Variants in PRKAG2 observed in about 807,000 individuals in gnomAD.
The protein encoded by PRKAG2 is 5'-AMP-activated protein kinase subunit gamma-2.
In PRKAG2, 26 loss-of-function variants were observed where a neutral mutation model predicts 69.6. That is an observed-to-expected ratio of 0.37 (90% CI 0.27 to 0.52). The LOEUF (loss-of-function observed/expected upper bound fraction) is 0.52, where lower values mean the gene tolerates loss of function less well. Among genes scored for constraint, PRKAG2 ranks in the 20% least tolerant of loss-of-function variants. The pLI is 0.90. For missense variants in PRKAG2, 557 were observed against 740.0 expected, an observed-to-expected ratio of 0.75 and a Z score of 2.87; for synonymous variants, 293 against 285.0, an observed-to-expected ratio of 1.03 and a Z score of -0.28.
intron 1 of PRKAG2, among the ~76,000 whole-genome samples, chr7:151,800,370 A>G (rs1421184847): frequency 6.6e-6 from 1 of 151,222 alleles, no homozygotes; most frequent in Admixed American, 6.6e-5. Context: ...AAAAAAAAAA[A>G]AAAAGAAAGT....
At chr7:151,575,101 G>A (rs1339971306) in intron 7 of PRKAG2, 152 bp from the exon 8 acceptor site, 2 of 1,229,874 alleles carry the variant, frequency 1.6e-6, no homozygotes, top group East Asian at 2.6e-5. Flanking sequence ...TAAAACTATT[G>A]ATGTGTTAAT....
intron 15 of PRKAG2, 146 bp downstream of exon 15, chr7:151,560,373 TGAAGA>T: frequency 1.3e-6 from 2 of 1,550,538 alleles, no homozygotes; most frequent in Non-Finnish European, 1.7e-6. Context: ...ACTTCCCAAC[TGAAGA>T]GAAAACGAAA....
chr7:151,567,641 CT>C lies in PRKAG2; in HGVS notation c.1233+1074del, dbSNP rs1326949652. 1.3e-5 allele frequency among the ~76,000 whole-genome samples: 2 copies of C among 152,158 alleles called. No individual in the cohort carries two copies. Among genetic ancestry groups the C allele is most frequent in the Admixed American group, 6.5e-5 (1 of 15,274 alleles). ...TAATCCCTTTTTCCTAGATTATCGC[CT>C]TTATTAAACTTCAGACTTGAGTTTT... On this transcript the variant is annotated intron_variant, in intron 11 of 15. Coordinates refer to ENST00000287878, the MANE Select transcript of PRKAG2 (RefSeq NM_016203.4). This position sits in a 1 kb window ranked among gnomAD's most constrained non-coding sequence, Gnocchi z 4.2.
At chr7:151,662,145 T>C (rs1041607199) in intron 4 of PRKAG2, among the ~76,000 whole-genome samples, 10 of 152,240 alleles carry the variant, frequency 6.6e-5, no homozygotes, top group Admixed American at 4.6e-4. Context: ...GGCTGTTACA[T>C]AGGTAGAAAG....
At chr7:151,686,389 C>T (rs1432206596) in intron 3 of PRKAG2, among the ~76,000 whole-genome samples, 1 of 152,188 alleles carries the variant, frequency 6.6e-6, no homozygotes. Flanking sequence ...TCTCACAGCT[C>T]CCTTCTATGG....
chr7:151,718,539 T>C (rs1796537628), intron 3 of PRKAG2, among the ~76,000 whole-genome samples: 1 of 146,934 alleles, frequency 6.8e-6, no homozygotes, highest in African/African-American at 2.5e-5. Context: ...CTGTAAGTCA[T>C]GGTGGGCTCC....
rs540092141 is a variant in PRKAG2 at position 151,618,453 on chromosome 7, C to CAAAATAAAATAAAAT, written c.754+13601_754+13615dup. On this transcript the variant is annotated intron_variant, in intron 5 of 15. Transcript: ENST00000287878. ...GGGCAATAAGAGCAAGACTCCGTCT[C>CAAAATAAAATAAAAT]AAAATAAAATAAAATAAAATAAAAT... Among the ~76,000 whole-genome samples, 457 of 148,666 alleles carry CAAAATAAAATAAAAT rather than the reference C, an allele frequency of 3.1e-3. 5 individuals are homozygous for CAAAATAAAATAAAAT. The highest frequency in any genetic ancestry group is 0.011 in the African/African-American group (433 of 40,002).
chr7:151,844,238 G>A (rs1317558651), intron 1 of PRKAG2, among the ~76,000 whole-genome samples: 2 of 152,048 alleles, frequency 1.3e-5, no homozygotes, highest in African/African-American at 2.4e-5. Context: ...ACCACAGGCA[G>A]GCCAGTGCTC....
At chr7:151,774,426 CCT>C (rs551934311) in intron 3 of PRKAG2, among the ~76,000 whole-genome samples, 2 of 152,182 alleles carry the variant, frequency 1.3e-5, no homozygotes, top group Non-Finnish European at 2.9e-5. Context: ...GATTGAATTA[CCT>C]CTTTTTCCTT....
intron 2 of PRKAG2, among the ~76,000 whole-genome samples, chr7:151,783,451 C>T (rs905960216): frequency 6.6e-6 from 1 of 152,184 alleles, no homozygotes; most frequent in Non-Finnish European, 1.5e-5. Context: ...AGCAATCCTC[C>T]TACCTCAGCC....
chr7:151,677,846 A>G (rs986641758), intron 3 of PRKAG2, among the ~76,000 whole-genome samples: 2 of 152,148 alleles, frequency 1.3e-5, no homozygotes, highest in Non-Finnish European at 2.9e-5. Context: ...CTTCCACCAC[A>G]TGGCTGAGAG....
At chr7:151,735,824 G>A in intron 3 of PRKAG2, 1 of 1,514,684 alleles carries the variant, frequency 6.6e-7, no homozygotes, top group African/African-American at 1.4e-5. Flanking sequence ...TACTGCTTAG[G>A]AGGGTGTGCA....
chr7:151,671,289 C>T (rs1832006084), intron 4 of PRKAG2, among the ~76,000 whole-genome samples: 1 of 150,712 alleles, frequency 6.6e-6, no homozygotes, highest in Admixed American at 6.6e-5. Flanking sequence ...AAATGATCTT[C>T]ATGGTCGATG....
Position 151,710,337 on chromosome 7 carries a change from G to A in PRKAG2, c.467-34700C>T, listed in dbSNP as rs188298305. ...CCCCAGCTGCCGAGGCTTCGCTCTC[G>A]CCCCCCGCCCTGAGGCAGCACACCA... is the stretch of plus-strand genomic sequence containing the variant. On this transcript the variant is annotated intron_variant, in intron 3 of 15. Transcript: ENST00000287878. 3.7e-4 allele frequency among the ~76,000 whole-genome samples: 57 copies of A among 152,084 alleles called. No homozygotes were observed. The East Asian group carries it at 4.1e-3, about 11-fold the overall frequency.
intron 1 of PRKAG2, among the ~76,000 whole-genome samples, chr7:151,808,095 A>G (rs1217744334): frequency 6.6e-6 from 1 of 152,056 alleles, no homozygotes; most frequent in African/African-American, 2.4e-5. Flanking sequence ...GGGGCTCCCC[A>G]CCCATCACCT....
intron 5 of PRKAG2, among the ~76,000 whole-genome samples, chr7:151,621,941 C>G (rs1329112312): frequency 6.6e-6 from 1 of 152,184 alleles, no homozygotes; most frequent in Non-Finnish European, 1.5e-5. Flanking sequence ...TCTCTTCTTT[C>G]TAAAGCTTTG....
At chr7:151,852,149 G>A (rs1195410104) in intron 1 of PRKAG2, among the ~76,000 whole-genome samples, 5 of 152,194 alleles carry the variant, frequency 3.3e-5, no homozygotes, top group Non-Finnish European at 5.9e-5. Context: ...TAAGGTGCCA[G>A]CTCAGACCGA....
chr7:151,700,624 C>T (rs979805170), intron 3 of PRKAG2, among the ~76,000 whole-genome samples: 2 of 152,176 alleles, frequency 1.3e-5, no homozygotes, highest in Non-Finnish European at 2.9e-5. Flanking sequence ...TAATGCCAGG[C>T]CTGCCGGTCT....
intron 6 of PRKAG2, among the ~76,000 whole-genome samples, chr7:151,588,427 A>G (rs1405194527): frequency 1.3e-5 from 2 of 151,876 alleles, no homozygotes; most frequent in African/African-American, 4.8e-5. Flanking sequence ...AAGTGGTGCA[A>G]TCTTGGCTCA....
Sources: gnomAD v4.1 joint callset for allele counts (sites outside exome capture counted in the v4.1 genomes callset) on GRCh38, gnomAD v4.1.1 for gene constraint, Gnocchi (gnomAD v3.1) non-coding constraint, MANE v1.5 for transcripts, NCBI Gene and HGNC (gene_info 2026-07-23, HGNC 2026-07-21) for gene names.